Variants in RSPO2 observed in about 807,000 individuals in gnomAD.
RSPO2 encodes the protein R-spondin-2.
RSPO2 carries 14 observed loss-of-function variants against 30.9 expected under a neutral mutation model. That is an observed-to-expected ratio of 0.45 (90% CI 0.30 to 0.71). The LOEUF (loss-of-function observed/expected upper bound fraction) is 0.71. RSPO2 is among the 30% of genes least tolerant of loss of function. RSPO2 has a pLI of 0.08. For synonymous variants in RSPO2, 107 were observed against 96.4 expected, an observed-to-expected ratio of 1.11 and a Z score of -0.64; for missense variants, 264 against 301.9, an observed-to-expected ratio of 0.87 and a Z score of 0.93.
intron 2 of RSPO2, among the ~76,000 whole-genome samples, chr8:108,080,120 T>C (rs1006301937): frequency 3.3e-5 from 5 of 152,226 alleles, no homozygotes; most frequent in African/African-American, 1.2e-4. Flanking sequence ...GTTAGATCTC[T>C]ATTCATTTCA....
chr8:107,942,372 T>C (rs186266808), intron 5 of RSPO2, among the ~76,000 whole-genome samples: 3 of 152,304 alleles, frequency 2.0e-5, no homozygotes, highest in East Asian at 1.9e-4. Flanking sequence ...CCTCTTGAAA[T>C]TGTCACAATG....
chr8:107,977,099 T>C (rs1237234312), intron 3 of RSPO2, among the ~76,000 whole-genome samples: 2 of 152,204 alleles, frequency 1.3e-5, no homozygotes, highest in Non-Finnish European at 2.9e-5. Context: ...CATTCTATCA[T>C]GATCAGCTCA....
chr8:108,063,985 G>T (rs1177538460), intron 2 of RSPO2, among the ~76,000 whole-genome samples: 1 of 152,174 alleles, frequency 6.6e-6, no homozygotes, highest in Non-Finnish European at 1.5e-5. Flanking sequence ...TATGTAGAAA[G>T]CTGAAGCTGG....
At chr8:107,926,626 T>C (rs888181687) in intron 5 of RSPO2, among the ~76,000 whole-genome samples, 1 of 151,950 alleles carries the variant, frequency 6.6e-6, no homozygotes, top group African/African-American at 2.4e-5. Context: ...CTAGCCAGTT[T>C]TCCCATCACC....
At chr8:107,975,095 A>G (rs950331579) in intron 3 of RSPO2, among the ~76,000 whole-genome samples, 29 of 152,312 alleles carry the variant, frequency 1.9e-4, no homozygotes, top group African/African-American at 6.3e-4. Context: ...AATAACAAAG[A>G]CATTGAAAAG....
chr8:107,998,779 G>A (rs1039099865), intron 2 of RSPO2, among the ~76,000 whole-genome samples: 2 of 152,084 alleles, frequency 1.3e-5, no homozygotes, highest in Non-Finnish European at 2.9e-5. Flanking sequence ...GGCAATGGTG[G>A]CTCACGTCTG....
At chr8:108,037,261 C>T (rs953196569) in intron 2 of RSPO2, among the ~76,000 whole-genome samples, 31 of 152,140 alleles carry the variant, frequency 2.0e-4, no homozygotes, top group African/African-American at 4.8e-4. Context: ...GTGAAACAGC[C>T]ATATTACCGA....
At chr8:107,934,843 G>A (rs955153130) in intron 5 of RSPO2, among the ~76,000 whole-genome samples, 2 of 152,138 alleles carry the variant, frequency 1.3e-5, no homozygotes, top group African/African-American at 4.8e-5. Flanking sequence ...AAGATTTCAT[G>A]GACATTTATC....
chr8:107,910,095 T>C (rs1433484079), intron 5 of RSPO2, among the ~76,000 whole-genome samples: 1 of 152,226 alleles, frequency 6.6e-6, no homozygotes, highest in African/African-American at 2.4e-5. Context: ...TTAGGAGGTA[T>C]GGGATAACCA....
intron 2 of RSPO2, among the ~76,000 whole-genome samples, chr8:108,052,971 A>G (rs1812121822): frequency 6.6e-6 from 1 of 152,162 alleles, no homozygotes. Context: ...ACACATATAT[A>G]TATACAGTTT....
chr8:107,989,241 C>T lies in RSPO2; in HGVS notation c.98G>A (p.Ser33Asn). 6.5e-6 allele frequency: 10 copies of T among 1,548,100 alleles called. No individual in the cohort carries two copies. Among genetic ancestry groups the T allele is most frequent in the Non-Finnish European group, 8.7e-6 (10 of 1,153,666 alleles). Residue 33 changes from serine (S) to asparagine (N), a missense_variant, in exon 3 of 6, where the codon AGT (serine) becomes AAT (asparagine). Transcript: ENST00000276659. ...CTTGCAAATGGGATTTGATACATAA[C>T]TAGCTGTAAAAGAAAAACAAAAATT... ...GNRWRRSKRA[S>N]YVSNPICKGC...
chr8:107,964,915 TCA>T (rs1205103128), intron 3 of RSPO2, among the ~76,000 whole-genome samples: 2 of 152,166 alleles, frequency 1.3e-5, no homozygotes, highest in African/African-American at 4.8e-5. Context: ...ATCCTTTTTC[TCA>T]CCTGAATGGC....
Position 107,958,190 on chromosome 8 carries a change from A to C in RSPO2, c.506T>G (p.Leu169Arg), listed in dbSNP as rs1362294787. ...NNRTCGFKWG[L>R]ETRTRQIVKK... The stretch of plus-strand genomic sequence containing the variant: ...AACAATTTGCCGTGTTCTGGTTTCC[A>C]GACCCCATTTAAATCCACATGTGCG... Residue 169 changes from leucine to arginine, a missense_variant, in exon 5 of 6, where the codon CTG (leucine) becomes CGG (arginine). Transcript: ENST00000276659. 1 of 1,613,910 alleles carries C rather than the reference A, an allele frequency of 6.2e-7. No homozygotes were observed. The highest frequency in any genetic ancestry group is 8.5e-7 in the Non-Finnish European group (1 of 1,179,846).
intron 3 of RSPO2, among the ~76,000 whole-genome samples, chr8:107,984,939 A>G (rs1340326460): frequency 6.6e-6 from 1 of 152,146 alleles, no homozygotes; most frequent in Non-Finnish European, 1.5e-5. Flanking sequence ...GTAATAGTTC[A>G]TTAAACACTC....
intron 5 of RSPO2, among the ~76,000 whole-genome samples, chr8:107,932,293 G>A (rs901743285): frequency 1.5e-4 from 23 of 152,072 alleles, no homozygotes; most frequent in African/African-American, 5.6e-4. Context: ...GTGACCAAAT[G>A]TATATGGGAA....
At chr8:107,966,924 TC>T (rs1418171476) in intron 3 of RSPO2, among the ~76,000 whole-genome samples, 2 of 152,178 alleles carry the variant, frequency 1.3e-5, no homozygotes, top group African/African-American at 4.8e-5. Flanking sequence ...GAATCTATGT[TC>T]TCTTATTTCT....
chr8:108,017,423 A>T (rs1056361260), intron 2 of RSPO2, among the ~76,000 whole-genome samples: 8 of 152,212 alleles, frequency 5.3e-5, no homozygotes, highest in African/African-American at 1.9e-4. Context: ...TACTAGGAGG[A>T]TGGGGAAAAG....
chr8:108,045,321 C>T (rs1253897174), intron 2 of RSPO2, among the ~76,000 whole-genome samples: 3 of 152,022 alleles, frequency 2.0e-5, no homozygotes, highest in South Asian at 2.1e-4. Context: ...TGAAAAAATG[C>T]TCCCTATCAC....
chr8:107,974,734 A>T (rs1814149924), intron 3 of RSPO2, among the ~76,000 whole-genome samples: 1 of 152,118 alleles, frequency 6.6e-6, no homozygotes, highest in South Asian at 2.1e-4. Context: ...AGGGGGGAAG[A>T]AGAAGAAAAT....
Sources: gnomAD v4.1 joint callset for allele counts (sites outside exome capture counted in the v4.1 genomes callset) on GRCh38, gnomAD v4.1.1 for gene constraint, MANE v1.5 for transcripts, NCBI Gene and HGNC (gene_info 2026-07-23, HGNC 2026-07-21) for gene names.